DYNC2H1: variants seen among roughly 807,000 people sequenced by gnomAD.
DYNC2H1 encodes the protein cytoplasmic dynein 2 heavy chain 1.
In DYNC2H1, 410 loss-of-function variants were observed where a neutral mutation model predicts 570.0. The observed-to-expected ratio is 0.72, with a 90% CI of 0.66 to 0.78. DYNC2H1 has a LOEUF of 0.78. Among genes scored for constraint, DYNC2H1 ranks in the 30% least tolerant of loss-of-function variants. The pLI, the probability that DYNC2H1 is intolerant of heterozygous loss-of-function variation, is 0.00. For synonymous variants in DYNC2H1, 1,688 were observed against 1,677.6 expected (o/e 1.01, Z -0.15); for missense variants, 4,865 against 5,046.4 (o/e 0.96, Z 1.09).
intron 84 of DYNC2H1, among the ~76,000 whole-genome samples, chr11:103,413,493 C>T (rs1943167687): frequency 6.6e-6 from 1 of 152,100 alleles, no homozygotes; most frequent in African/African-American, 2.4e-5. Flanking sequence ...AGAGTTACAT[C>T]CTGGTAGAGC....
In DYNC2H1 at chr11:103,121,530, T is replaced by C. The variant is rs779358539; in HGVS notation, c.1485+34T>C. 4.1e-5 allele frequency: 65 copies of C among 1,597,492 alleles called. No homozygotes were observed. The Admixed American group carries it at 1.1e-3, about 27-fold the overall frequency. On this transcript the variant is annotated intron_variant, in intron 10 of 88. Transcript: ENST00000375735. ...TTTAATAAAAGATGAAGAGTACTAA[T>C]TATAAAATCTGCTAAATTAAGGCAT...
chr11:103,453,131 G>T (rs1217713061), intron 85 of DYNC2H1, among the ~76,000 whole-genome samples: 1 of 151,912 alleles, frequency 6.6e-6, no homozygotes, highest in East Asian at 1.9e-4. Context: ...TGAGTATATA[G>T]TCTCATAGTC....
rs1174884687 is a variant in DYNC2H1 at position 103,280,004 on chromosome 11, T to A, written c.10696-344T>A. Among the ~76,000 whole-genome samples the A allele has an allele frequency of 6.6e-6, 1 of 152,182 alleles. No homozygotes were observed. The highest frequency in any genetic ancestry group is 1.9e-4 in the East Asian group (1 of 5,194). ...ACAGTGACAAACTGAAGATTGCTAA[T>A]GCATGGAGTGGATTTGGTGGATGAT... On this transcript the variant is annotated intron_variant, in intron 70 of 88. Transcript: ENST00000375735. The surrounding 1 kb of genome is among the most constrained non-coding windows in gnomAD (Gnocchi z 4.7).
At chr11:103,207,230 T>TG (rs1458388914) in intron 52 of DYNC2H1, among the ~76,000 whole-genome samples, 2 of 22,058 alleles carry the variant, frequency 9.1e-5, no homozygotes, top group African/African-American at 3.8e-4. Flanking sequence ...CCTGTTTTTT[T>TG]TTTTTTTTTT....
intron 85 of DYNC2H1, among the ~76,000 whole-genome samples, chr11:103,451,159 C>G (rs1179361875): frequency 6.6e-6 from 1 of 151,756 alleles, no homozygotes; most frequent in Admixed American, 6.6e-5. Flanking sequence ...GGTTTTTAGC[C>G]CAACAGAATA....
At chr11:103,190,770 G>A (rs1031052623) in intron 45 of DYNC2H1, among the ~76,000 whole-genome samples, 3 of 151,956 alleles carry the variant, frequency 2.0e-5, no homozygotes, top group East Asian at 3.9e-4. Context: ...GCATTTTACC[G>A]GTTGGTTGTA....
intron 16 of DYNC2H1, 34 bp from the exon 17 acceptor site, chr11:103,135,686 A>C (rs765792210): frequency 6.2e-7 from 1 of 1,605,502 alleles, no homozygotes; most frequent in Non-Finnish European, 8.5e-7. Context: ...ATTTTCTAAC[A>C]ATTTATGTTT....
At position 103,135,605 on chromosome 11, in the gene DYNC2H1, GC is replaced by G. The variant is rs754013958; in HGVS notation, c.2318del (p.Pro773GlnfsTer3). The G allele has an allele frequency of 6.2e-7, 1 of 1,613,276 alleles. No individual in the cohort carries two copies. The highest frequency in any genetic ancestry group is 8.5e-7 in the Non-Finnish European group (1 of 1,179,572). The stretch of plus-strand genomic sequence containing the variant: ...GCTTAGAAGCACTTAATGAGAATTT[GC>G]CAGAAATAAATATAGACTTAACTTA... ...MGLEALNENL[P>X]EINIDLTYKQ... On this transcript the variant is annotated frameshift_variant, in exon 16 of 89. Coordinates refer to ENST00000375735, the MANE Select transcript of DYNC2H1 (RefSeq NM_001377.3). LOFTEE classifies it high-confidence loss of function.
intron 84 of DYNC2H1, among the ~76,000 whole-genome samples, chr11:103,416,069 A>G (rs921047479): frequency 2.0e-5 from 3 of 152,144 alleles, no homozygotes; most frequent in Admixed American, 6.5e-5. Context: ...CAAACACCAC[A>G]TGTTCTCACT....
At chr11:103,173,363 T>G (rs1200499684) in intron 35 of DYNC2H1, 58 bp downstream of exon 35, 9 of 1,209,790 alleles carry the variant, frequency 7.4e-6, no homozygotes, top group Non-Finnish European at 8.8e-6. Context: ...TTGATTTTGG[T>G]TATTAGTGAT....
intron 70 of DYNC2H1, among the ~76,000 whole-genome samples, chr11:103,267,968 T>C (rs913678561): frequency 1.3e-5 from 2 of 152,114 alleles, no homozygotes; most frequent in Non-Finnish European, 2.9e-5. Context: ...TATGACCATG[T>C]ACTACTTCAT....
intron 82 of DYNC2H1, among the ~76,000 whole-genome samples, chr11:103,329,069 G>T (rs1938637542): frequency 6.6e-6 from 1 of 151,822 alleles, no homozygotes; most frequent in Non-Finnish European, 1.5e-5. Flanking sequence ...TGATAAAAAA[G>T]ATTTGACAAA....
Position 103,119,540 on chromosome 11 carries a change from A to G in DYNC2H1, c.1000-907A>G, listed in dbSNP as rs187178561. ...TTTTTAGTAGAGATGGAGTTTCGCCATGTTGGCCAGGCTGGTCTTGAACTC... is the reference window on the plus strand; with the variant it reads ...TTTTTAGTAGAGATGGAGTTTCGCCGTGTTGGCCAGGCTGGTCTTGAACTC... On this transcript the variant is annotated intron_variant, in intron 6 of 88. Transcript: ENST00000375735. Among the ~76,000 whole-genome samples, 820 of 152,180 alleles carry G rather than the reference A, an allele frequency of 5.4e-3. 13 individuals are homozygous for G. The highest frequency in any genetic ancestry group is 6.8e-3 in the Middle Eastern group (2 of 294).
rs1944747102 is a variant in DYNC2H1 at position 103,455,242 on chromosome 11, A to G, written c.12513A>G (p.Ser4171=). The change falls in exon 86 of 89, where the codon TCA becomes TCG. Residue 4171 remains serine, a synonymous_variant. Coordinates refer to ENST00000375735, the MANE Select transcript of DYNC2H1 (RefSeq NM_001377.3). The stretch of plus-strand genomic sequence containing the variant: ...TTCTCTCTGAAACACTTGACCTATC[A>G]GAACTTTTCCATCCAGACACATTTC... ...QALLSETLDL[S]ELFHPDTFLN... The G allele has an allele frequency of 6.2e-7, 1 of 1,613,544 alleles. No homozygotes were observed. Among genetic ancestry groups the G allele is most frequent in the Non-Finnish European group, 8.5e-7 (1 of 1,179,586 alleles).
At chr11:103,340,237 G>A (rs1350482601) in intron 82 of DYNC2H1, among the ~76,000 whole-genome samples, 1 of 152,020 alleles carries the variant, frequency 6.6e-6, no homozygotes, top group African/African-American at 2.4e-5. Context: ...GTTCTATTTG[G>A]TCATCTTGCT....
chr11:103,472,246 C>T lies in DYNC2H1; in HGVS notation c.12765+3541C>T, dbSNP rs1708287176. Among the ~76,000 whole-genome samples the T allele has an allele frequency of 6.6e-6, 1 of 152,014 alleles. No homozygotes were observed. The highest frequency in any genetic ancestry group is 2.4e-5 in the African/African-American group (1 of 41,382). On this transcript the variant is annotated intron_variant, in intron 88 of 88. Coordinates refer to ENST00000375735, the MANE Select transcript of DYNC2H1 (RefSeq NM_001377.3). This position sits in a 1 kb window ranked among gnomAD's most constrained non-coding sequence, Gnocchi z 4.1. ...AGCCATCAAGAATTTAGAACAGGGCCAGGCACGGTGGCTCACACCTGTAAT... is the reference window on the plus strand; with the variant it reads ...AGCCATCAAGAATTTAGAACAGGGCTAGGCACGGTGGCTCACACCTGTAAT...
chr11:103,224,948 A>G (rs1360729757), intron 59 of DYNC2H1, among the ~76,000 whole-genome samples: 1 of 152,136 alleles, frequency 6.6e-6, no homozygotes, highest in Non-Finnish European at 1.5e-5. Context: ...CCATTCTTGC[A>G]AGAGTGAGGT....
At chr11:103,286,440 T>C in intron 74 of DYNC2H1, 54 bp downstream of exon 74, 2 of 1,576,106 alleles carry the variant, frequency 1.3e-6, no homozygotes, top group Non-Finnish European at 8.6e-7. Context: ...TCTCTTATTA[T>C]TCAGAAGCCA....
chr11:103,131,176 A>G (rs913597923), intron 13 of DYNC2H1, among the ~76,000 whole-genome samples: 1 of 152,192 alleles, frequency 6.6e-6, no homozygotes. Context: ...TATTTTCCCT[A>G]TATACATTGA....
Sources: allele counts gnomAD v4.1 joint callset (sites outside exome capture counted in the v4.1 genomes callset), GRCh38; gene constraint gnomAD v4.1.1; non-coding constraint Gnocchi (gnomAD v3.1); transcripts MANE v1.5; gene names NCBI Gene and HGNC (gene_info 2026-07-23, HGNC 2026-07-21).